The following PHYHIPL variants were observed in gnomAD, a reference collection of about 807,000 sequenced individuals.
PHYHIPL encodes the protein phytanoyl-CoA hydroxylase-interacting protein-like.
In PHYHIPL, 9 loss-of-function variants were observed where a neutral mutation model predicts 33.4. The ratio of observed to expected loss-of-function variants is 0.27; its 90% CI spans 0.16 to 0.47. The LOEUF (loss-of-function observed/expected upper bound fraction) is 0.47, where lower values mean the gene tolerates loss of function less well. Ranked by LOEUF, PHYHIPL falls within the 20% of genes least tolerant of loss-of-function variation. The probability of loss-of-function intolerance (pLI) is 0.99; values close to 1 mark genes in which losing one functional copy is unlikely to be tolerated. For synonymous variants in PHYHIPL, 153 were observed against 154.1 expected (o/e 0.99, Z 0.05); for missense variants, 365 against 460.7 (o/e 0.79, Z 1.90).
rs1455457740 is a variant in PHYHIPL at position 59,245,891 on chromosome 10, A to G, written c.*300A>G. 2 of 307,898 alleles carry G rather than the reference A, an allele frequency of 6.5e-6. No homozygotes were observed. Among genetic ancestry groups the G allele is most frequent in the Non-Finnish European group, 1.2e-5 (2 of 165,686 alleles). The allele number at this position is 307,898 out of a possible 1,614,324, so 19.1% of individuals were successfully genotyped here. On this transcript the variant is annotated 3_prime_UTR_variant, in exon 5 of 5. Transcript: ENST00000373880. ...TTATGCCAAACATAACAAAACAGTT[A>G]TATAGACTGCTTTAGCAAAGTACAC...
chr10:59,244,209 A>C (rs774643828), intron 4 of PHYHIPL, among the ~76,000 whole-genome samples: 1 of 152,126 alleles, frequency 6.6e-6, no homozygotes. Flanking sequence ...TAAAGTGGGA[A>C]TAACTAGCAC....
chr10:59,188,663 A>C (rs192665908), intron 1 of PHYHIPL, among the ~76,000 whole-genome samples: 157 of 152,332 alleles, frequency 1.0e-3, no homozygotes, highest in African/African-American at 3.6e-3. Flanking sequence ...TATTGGGTGC[A>C]TATAAATTTA....
intron 1 of PHYHIPL, among the ~76,000 whole-genome samples, chr10:59,202,265 C>G (rs978825455): frequency 6.6e-6 from 1 of 151,988 alleles, no homozygotes; most frequent in African/African-American, 2.4e-5. Flanking sequence ...ATAGGGTACA[C>G]TAGAAGCCCA....
chr10:59,177,032 G>A, intron 1 of PHYHIPL, 73 bp downstream of exon 1: 1 of 1,320,408 alleles, frequency 7.6e-7, no homozygotes, highest in Non-Finnish European at 1.1e-6. Context: ...TGGCTCCGCC[G>A]ACGCCGCTCG....
At chr10:59,192,635 A>G (rs1028982388) in intron 1 of PHYHIPL, among the ~76,000 whole-genome samples, 2 of 152,134 alleles carry the variant, frequency 1.3e-5, no homozygotes, top group South Asian at 2.1e-4. Flanking sequence ...GCAATTATAG[A>G]TAATAAGTAG....
At chr10:59,198,717 T>C (rs1042650313) in intron 1 of PHYHIPL, among the ~76,000 whole-genome samples, 1 of 149,234 alleles carries the variant, frequency 6.7e-6, no homozygotes, top group Non-Finnish European at 1.5e-5. Flanking sequence ...CCAGCACCTA[T>C]TGTTTCCTGA....
At chr10:59,189,364 T>G (rs964931994) in intron 1 of PHYHIPL, among the ~76,000 whole-genome samples, 1 of 152,104 alleles carries the variant, frequency 6.6e-6, no homozygotes, top group Non-Finnish European at 1.5e-5. Flanking sequence ...TCCTAATTTT[T>G]ATATTTAATT....
At chr10:59,217,004 T>C (rs1392038622) in intron 1 of PHYHIPL, among the ~76,000 whole-genome samples, 1 of 151,040 alleles carries the variant, frequency 6.6e-6, no homozygotes, top group African/African-American at 2.5e-5. Context: ...TAGTTTGTAA[T>C]ACTTTACTTT....
At chr10:59,195,784 G>A (rs1838896056) in intron 1 of PHYHIPL, among the ~76,000 whole-genome samples, 1 of 152,018 alleles carries the variant, frequency 6.6e-6, no homozygotes, top group African/African-American at 2.4e-5. Context: ...TTTTACATAT[G>A]TAAAGACTTT....
At chr10:59,242,222 G>C (rs141875658) in intron 4 of PHYHIPL, among the ~76,000 whole-genome samples, 32 of 152,230 alleles carry the variant, frequency 2.1e-4, no homozygotes, top group African/African-American at 7.7e-4. Flanking sequence ...CACATGTCAA[G>C]TACTAATGAG....
At chr10:59,234,647 C>A in intron 2 of PHYHIPL, 147 bp downstream of exon 2, 1 of 459,080 alleles carries the variant, frequency 2.2e-6, no homozygotes, top group South Asian at 7.6e-5. Flanking sequence ...AACTCTAAAA[C>A]CCTATCATTC....
At chr10:59,181,320 A>G (rs1416537844) in intron 1 of PHYHIPL, among the ~76,000 whole-genome samples, 1 of 152,112 alleles carries the variant, frequency 6.6e-6, no homozygotes, top group Non-Finnish European at 1.5e-5. Flanking sequence ...GTTACATGTT[A>G]TAGGAAATCA....
At chr10:59,174,775 G>A (rs1838222635), upstream of PHYHIPL, among the ~76,000 whole-genome samples, 3 of 152,090 alleles carry the variant, frequency 2.0e-5, no homozygotes, top group South Asian at 6.2e-4. Flanking sequence ...ATCTAACCTA[G>A]GTTATAAACC....
intron 1 of PHYHIPL, among the ~76,000 whole-genome samples, chr10:59,183,245 A>AT (rs1838463498): frequency 6.6e-6 from 1 of 152,136 alleles, no homozygotes; most frequent in African/African-American, 2.4e-5. Flanking sequence ...TTTAGAGAGG[A>AT]TTGTGAAATA....
At chr10:59,203,915 A>G (rs907385254) in intron 1 of PHYHIPL, among the ~76,000 whole-genome samples, 4 of 152,098 alleles carry the variant, frequency 2.6e-5, no homozygotes, top group African/African-American at 9.7e-5. Flanking sequence ...TTAACATGTA[A>G]TTTTTTTAAA....
chr10:59,238,954 A>G (rs752780046), intron 4 of PHYHIPL, among the ~76,000 whole-genome samples: 1 of 151,892 alleles, frequency 6.6e-6, no homozygotes, highest in Non-Finnish European at 1.5e-5. Context: ...AGGATCTTAA[A>G]CCTGTGGTAT....
intron 1 of PHYHIPL, among the ~76,000 whole-genome samples, chr10:59,179,665 G>A (rs1838346574): frequency 6.6e-6 from 1 of 151,966 alleles, no homozygotes; most frequent in African/African-American, 2.4e-5. Context: ...TGTTTCATTG[G>A]ATTTTTTTGT....
intron 2 of PHYHIPL, among the ~76,000 whole-genome samples, chr10:59,235,361 A>G (rs894961717): frequency 1.2e-4 from 19 of 152,088 alleles, no homozygotes; most frequent in Admixed American, 1.2e-3. Context: ...ATTAACAGTT[A>G]TCTGCTTTAA....
chr10:59,207,278 C>T (rs1839311634), intron 1 of PHYHIPL, among the ~76,000 whole-genome samples: 1 of 152,114 alleles, frequency 6.6e-6, no homozygotes, highest in Non-Finnish European at 1.5e-5. Context: ...CAACAGAGGG[C>T]CAGCCAAAGC....
Sources: gnomAD v4.1 joint callset for allele counts (sites outside exome capture counted in the v4.1 genomes callset) on GRCh38, gnomAD v4.1.1 for gene constraint, MANE v1.5 for transcripts, NCBI Gene and HGNC (gene_info 2026-07-23, HGNC 2026-07-21) for gene names.